CDH18: variants seen among roughly 807,000 people sequenced by gnomAD.
The protein encoded by CDH18 is cadherin-18.
Under a neutral mutation model 67.9 loss-of-function variants are expected in CDH18, and 31 were observed. That is an observed-to-expected ratio of 0.46 (90% confidence interval 0.34 to 0.62). The LOEUF (loss-of-function observed/expected upper bound fraction) is 0.62, where lower values mean the gene tolerates loss of function less well. Ranked by LOEUF, CDH18 falls within the 20% of genes least tolerant of loss-of-function variation. CDH18 has a pLI of 0.01. For synonymous variants in CDH18, 362 were observed against 347.2 expected, an observed-to-expected ratio of 1.04 and a Z score of -0.48; for missense variants, 890 against 975.5, an observed-to-expected ratio of 0.91 and a Z score of 1.17.
At chr5:20,367,464 A>G (rs377677102) in intron 1 of CDH18, among the ~76,000 whole-genome samples, 1 of 152,180 alleles carries the variant, frequency 6.6e-6, no homozygotes, top group African/African-American at 2.4e-5. Flanking sequence ...GGCGGGTTCT[A>G]TGCCTGACCT....
At chr5:20,409,814 T>C (rs1323764270) in intron 1 of CDH18, among the ~76,000 whole-genome samples, 2 of 151,666 alleles carry the variant, frequency 1.3e-5, no homozygotes, top group African/African-American at 4.8e-5. Flanking sequence ...GGAGGCATTA[T>C]GAATGATGTC....
chr5:20,436,423 C>A (rs1749168158), intron 1 of CDH18, among the ~76,000 whole-genome samples: 2 of 151,716 alleles, frequency 1.3e-5, no homozygotes. Flanking sequence ...CTTTTCTTAG[C>A]TTAATTTTAT....
chr5:20,185,351 A>G (rs1165648630), intron 2 of CDH18, among the ~76,000 whole-genome samples: 1 of 151,958 alleles, frequency 6.6e-6, no homozygotes, highest in Middle Eastern at 3.2e-3. Flanking sequence ...CTCCCAGTAT[A>G]TTTACAACAC....
chr5:20,476,473 G>C (rs1270649355), intron 1 of CDH18, among the ~76,000 whole-genome samples: 1 of 151,948 alleles, frequency 6.6e-6, no homozygotes, highest in Non-Finnish European at 1.5e-5. Context: ...GTTTAGAGTT[G>C]AATTTCTTAA....
chr5:19,811,144 A>C lies in CDH18; in HGVS notation c.228+27615T>G, dbSNP rs763205760. 1.7e-3 allele frequency among the ~76,000 whole-genome samples: 172 copies of C among 101,866 alleles called. 3 individuals carry two copies. Among genetic ancestry groups the C allele is most frequent in the Non-Finnish European group, 2.4e-3 (115 of 48,124 alleles). The allele number at this position is 101,866 out of a possible 152,430, so 66.8% of individuals were successfully genotyped here. A position where few individuals can be genotyped will look rare whatever the true frequency, so the allele number is the denominator to read the frequency against. On this transcript the variant is annotated intron_variant, in intron 3 of 12. Coordinates refer to ENST00000382275, the MANE Select transcript of CDH18 (RefSeq NM_004934.5). ...AAAGAAAGAAAGAAAGAAAGAAAGA[A>C]AGAAAGAAAGAAAGAAGGAGAGAAA...
chr5:19,583,940 T>C (rs1327349534), intron 7 of CDH18, among the ~76,000 whole-genome samples: 1 of 152,158 alleles, frequency 6.6e-6, no homozygotes, highest in Non-Finnish European at 1.5e-5. Context: ...GTATTTACAG[T>C]TGAATTAGTT....
chr5:20,537,015 G>T (rs539564856), intron 1 of CDH18, among the ~76,000 whole-genome samples: 1 of 152,090 alleles, frequency 6.6e-6, no homozygotes, highest in African/African-American at 2.4e-5. Flanking sequence ...GGGTGGACTT[G>T]TGTCCTGCCT....
intron 1 of CDH18, among the ~76,000 whole-genome samples, chr5:20,537,931 G>A (rs938521172): frequency 6.6e-6 from 1 of 152,076 alleles, no homozygotes; most frequent in East Asian, 1.9e-4. Flanking sequence ...GTCATATTTA[G>A]CACAAATCAA....
At chr5:20,178,015 C>G (rs1580413634) in intron 2 of CDH18, among the ~76,000 whole-genome samples, 1 of 152,088 alleles carries the variant, frequency 6.6e-6, no homozygotes, top group African/African-American at 2.4e-5. Flanking sequence ...GACTAACACA[C>G]CTCCTTAATG....
In CDH18 at chr5:19,806,698, T is replaced by C. The variant is rs930657479; in HGVS notation, c.228+32061A>G. Among the ~76,000 whole-genome samples the C allele has an allele frequency of 2.3e-4, 35 of 152,220 alleles. 1 individual carries two copies. On this transcript the variant is annotated intron_variant, in intron 3 of 12. Transcript: ENST00000382275. ...TGTCACTTCAATCATTATGTTAAAG[T>C]AAGCAAACTTTGCTCTGCTACCCTC...
chr5:19,743,253 T>C (rs577002634), intron 4 of CDH18, among the ~76,000 whole-genome samples: 1 of 152,232 alleles, frequency 6.6e-6, no homozygotes, highest in South Asian at 2.1e-4. Flanking sequence ...TATATGTATA[T>C]AGTCCAGTAG....
At chr5:19,920,933 G>T (rs938948999) in intron 2 of CDH18, among the ~76,000 whole-genome samples, 1 of 109,866 alleles carries the variant, frequency 9.1e-6, no homozygotes, top group South Asian at 3.1e-4. Flanking sequence ...CACCACAGGG[G>T]GATAGAGTAC....
chr5:19,905,197 A>G (rs1790401165), intron 2 of CDH18, among the ~76,000 whole-genome samples: 1 of 152,146 alleles, frequency 6.6e-6, no homozygotes, highest in Non-Finnish European at 1.5e-5. Flanking sequence ...AAGCAGCTGG[A>G]TAAATAATGG....
At chr5:20,140,971 T>G (rs756179542) in intron 2 of CDH18, among the ~76,000 whole-genome samples, 3 of 152,160 alleles carry the variant, frequency 2.0e-5, no homozygotes, top group African/African-American at 4.8e-5. Flanking sequence ...TTGCACATAC[T>G]TGGATGCCAC....
intron 5 of CDH18, among the ~76,000 whole-genome samples, chr5:19,612,912 G>A (rs1324400833): frequency 3.9e-5 from 6 of 152,084 alleles, no homozygotes; most frequent in South Asian, 2.1e-4. Context: ...AGGCCAAGGC[G>A]GGTGGATCAC....
At chr5:20,158,263 T>C (rs1189225852) in intron 2 of CDH18, among the ~76,000 whole-genome samples, 1 of 152,130 alleles carries the variant, frequency 6.6e-6, no homozygotes, top group Non-Finnish European at 1.5e-5. Context: ...AAAAATAAAA[T>C]GGACTAAATT....
chr5:20,243,491 A>G (rs571126275), intron 2 of CDH18, among the ~76,000 whole-genome samples: 1 of 152,240 alleles, frequency 6.6e-6, no homozygotes, highest in African/African-American at 2.4e-5. Flanking sequence ...CTAGAAAACA[A>G]AGACATTTTT....
chr5:20,479,329 G>C (rs1752638633), intron 1 of CDH18, among the ~76,000 whole-genome samples: 1 of 152,074 alleles, frequency 6.6e-6, no homozygotes, highest in African/African-American at 2.4e-5. Flanking sequence ...TCTGACAGGG[G>C]ATTCAAAAGT....
chr5:20,537,906 G>A (rs189559639), intron 1 of CDH18, among the ~76,000 whole-genome samples: 2 of 152,284 alleles, frequency 1.3e-5, no homozygotes, highest in African/African-American at 2.4e-5. Flanking sequence ...ATCCCACACA[G>A]GTGAGGATTA....
Sources: gnomAD v4.1 joint callset for allele counts (sites outside exome capture counted in the v4.1 genomes callset) on GRCh38, gnomAD v4.1.1 for gene constraint, MANE v1.5 for transcripts, NCBI Gene and HGNC (gene_info 2026-07-23, HGNC 2026-07-21) for gene names.